Variants in ADAMTSL1 observed in about 807,000 individuals in gnomAD.
ADAMTSL1 encodes ADAMTS like 1.
ADAMTSL1 carries 126 observed loss-of-function variants against 201.8 expected under a neutral mutation model. That is an observed-to-expected ratio of 0.62 (90% confidence interval 0.54 to 0.72). ADAMTSL1 has a LOEUF of 0.72. ADAMTSL1 is among the 30% of genes least tolerant of loss of function. ADAMTSL1 has a pLI of 0.00. For synonymous variants in ADAMTSL1, 1,121 were observed against 903.4 expected (o/e 1.24, Z -4.32); for missense variants, 2,679 against 2,277.8 (o/e 1.18, Z -3.59).
intron 2 of ADAMTSL1, among the ~76,000 whole-genome samples, chr9:18,424,433 A>T (rs756584296): frequency 2.0e-5 from 3 of 152,200 alleles, no homozygotes; most frequent in African/African-American, 7.2e-5. Flanking sequence ...AACAGTGAAC[A>T]TGCATCTCCT....
chr9:18,099,936 G>C (rs1824444579), intron 1 of ADAMTSL1, among the ~76,000 whole-genome samples: 1 of 151,822 alleles, frequency 6.6e-6, no homozygotes. Flanking sequence ...CTTTTTCAAA[G>C]TTTCCTCCTT....
At chr9:18,722,896 T>C in intron 15 of ADAMTSL1, 1 of 703,140 alleles carries the variant, frequency 1.4e-6, no homozygotes, top group Non-Finnish European at 2.6e-6. Flanking sequence ...TCGTTTTCTA[T>C]CCCTGCCCCA....
intron 2 of ADAMTSL1, among the ~76,000 whole-genome samples, chr9:18,321,484 C>T (rs937658879): frequency 6.6e-6 from 1 of 152,170 alleles, no homozygotes; most frequent in Non-Finnish European, 1.5e-5. Context: ...ACAGAGCATA[C>T]AGCCAACAAC....
At chr9:18,293,717 T>G (rs1209519137) in intron 2 of ADAMTSL1, among the ~76,000 whole-genome samples, 1 of 152,194 alleles carries the variant, frequency 6.6e-6, no homozygotes, top group African/African-American at 2.4e-5. Context: ...CCGTCCCATA[T>G]AGGAAGGAAA....
At chr9:18,018,633 C>T (rs1820355811) in intron 1 of ADAMTSL1, among the ~76,000 whole-genome samples, 1 of 152,038 alleles carries the variant, frequency 6.6e-6, no homozygotes. Context: ...TGATAAACCC[C>T]ATATGCAAAC....
At chr9:18,033,825 T>A (rs773133133) in intron 1 of ADAMTSL1, among the ~76,000 whole-genome samples, 2 of 152,240 alleles carry the variant, frequency 1.3e-5, no homozygotes, top group Non-Finnish European at 2.9e-5. Context: ...GAGACCCCTC[T>A]CTTATACATG....
At chr9:18,080,951 T>A (rs1326713343) in intron 1 of ADAMTSL1, among the ~76,000 whole-genome samples, 1 of 152,248 alleles carries the variant, frequency 6.6e-6, no homozygotes, top group Admixed American at 6.5e-5. Flanking sequence ...TAATATTTTA[T>A]GCATTTGTGA....
At chr9:17,963,252 T>C (rs2131404255) in intron 1 of ADAMTSL1, among the ~76,000 whole-genome samples, 1 of 152,298 alleles carries the variant, frequency 6.6e-6, no homozygotes, top group African/African-American at 2.4e-5. Context: ...ATAAATTCTA[T>C]AGTTAATGTT....
At chr9:18,164,668 T>C (rs1827554500) in intron 2 of ADAMTSL1, among the ~76,000 whole-genome samples, 1 of 151,824 alleles carries the variant, frequency 6.6e-6, no homozygotes, top group Non-Finnish European at 1.5e-5. Context: ...ATATTAGAAT[T>C]AGAGGATGCC....
At chr9:18,438,927 G>A (rs1202035970) in intron 2 of ADAMTSL1, among the ~76,000 whole-genome samples, 1 of 151,552 alleles carries the variant, frequency 6.6e-6, no homozygotes, top group African/African-American at 2.4e-5. Context: ...CTCCAGTCCC[G>A]AGCCTTTGTC....
intron 2 of ADAMTSL1, among the ~76,000 whole-genome samples, chr9:18,328,466 A>T (rs1834911532): frequency 6.6e-6 from 1 of 152,174 alleles, no homozygotes; most frequent in South Asian, 2.1e-4. Context: ...TTTTCCATGT[A>T]TTAACTCACT....
chr9:17,954,240 C>A (rs1827844217), intron 1 of ADAMTSL1, among the ~76,000 whole-genome samples: 1 of 152,128 alleles, frequency 6.6e-6, no homozygotes, highest in Admixed American at 6.5e-5. Flanking sequence ...TTTCAAGAGG[C>A]CTAGGCAGAA....
intron 1 of ADAMTSL1, among the ~76,000 whole-genome samples, chr9:18,485,753 C>CA (rs1821958767): frequency 6.6e-6 from 1 of 152,198 alleles, no homozygotes; most frequent in African/African-American, 2.4e-5. Flanking sequence ...ATAGCTGGAG[C>CA]ACAGCCAGAT....
intron 20 of ADAMTSL1, among the ~76,000 whole-genome samples, chr9:18,813,808 T>A (rs1187475175): frequency 6.6e-6 from 1 of 152,226 alleles, no homozygotes; most frequent in East Asian, 1.9e-4. Context: ...TTTATATGGT[T>A]CTCTTAACTA....
chr9:18,299,363 C>T (rs530426133), intron 2 of ADAMTSL1, among the ~76,000 whole-genome samples: 6 of 152,304 alleles, frequency 3.9e-5, no homozygotes, highest in Middle Eastern at 3.4e-3. Flanking sequence ...CAAAGTATTT[C>T]ATATCTTATT....
rs138184368 is a variant in ADAMTSL1 at position 18,500,019 on chromosome 9, T to TA, written c.64-4809dup. 4.9e-4 allele frequency among the ~76,000 whole-genome samples: 74 copies of TA among 152,340 alleles called. 4 individuals carry two copies. The East Asian group carries it at 0.014, about 29-fold the overall frequency. Reference sequence around the variant, plus strand: ...TTTATTGCTAATTTCTGCTTCATCTTACATCTTTCATGTATTTGATAACCT... The same window carrying TA: ...TTTATTGCTAATTTCTGCTTCATCTTAACATCTTTCATGTATTTGATAACCT... On this transcript the variant is annotated intron_variant, in intron 1 of 28. Transcript: ENST00000380548.
rs144842714 is a variant in ADAMTSL1 at position 17,954,055 on chromosome 9, C to G, written c.87+47133C>G. Among the ~76,000 whole-genome samples the G allele has an allele frequency of 1.5e-3, 227 of 152,104 alleles. 2 individuals are homozygous for G. In the East Asian group the frequency reaches 0.037, roughly 24 times the overall value. On this transcript the variant is annotated intron_variant, in intron 1 of 29. Transcript: ENST00000680146. ...GTCTGGGCTGGGATAGTTGGAAGGT[C>G]TGGGGCTGGCTGAGGCAATCTCTGT...
At chr9:18,325,186 C>G (rs1294688513) in intron 2 of ADAMTSL1, among the ~76,000 whole-genome samples, 1 of 152,148 alleles carries the variant, frequency 6.6e-6, no homozygotes, top group Non-Finnish European at 1.5e-5. Flanking sequence ...TTGACAATTT[C>G]TTATAAAGTC....
chr9:18,505,076 GAATT>G, intron 2 of ADAMTSL1, 120 bp downstream of exon 2: 2 of 1,254,264 alleles, frequency 1.6e-6, no homozygotes, highest in South Asian at 1.5e-5. Flanking sequence ...TAAAAGAAAA[GAATT>G]AAAGGAACGT....
Sources: allele counts gnomAD v4.1 joint callset (sites outside exome capture counted in the v4.1 genomes callset), GRCh38; gene constraint gnomAD v4.1.1; transcripts MANE v1.5; gene names NCBI Gene and HGNC (gene_info 2026-07-23, HGNC 2026-07-21).